Variants in SMARCA1 observed in about 807,000 individuals in gnomAD.
SMARCA1 encodes the protein SNF2 related chromatin remodeling ATPase 1.
A neutral mutation model predicts 93.6 loss-of-function variants in SMARCA1; 17 were observed. The ratio of observed to expected loss-of-function variants is 0.18; its 90% CI spans 0.12 to 0.27. The LOEUF is 0.27. Ranked by LOEUF, SMARCA1 falls within the 10% of genes least tolerant of loss-of-function variation. The probability of loss-of-function intolerance (pLI) is 1.00; values close to 1 mark genes in which losing one functional copy is unlikely to be tolerated. For synonymous variants in SMARCA1, 271 were observed against 271.4 expected (o/e 1.00, Z 0.01); for missense variants, 630 against 819.0 (o/e 0.77, Z 2.82).
At chrX:129,484,880 G>GATCTCCCCACAAGGT (rs1441094339) in intron 17 of SMARCA1, among the ~76,000 whole-genome samples, 1 of 112,349 alleles carries the variant, frequency 8.9e-6, no homozygotes, top group Non-Finnish European at 1.9e-5. Flanking sequence ...GTCTGAGAAA[G>GATCTCCCCACAAGGT]ATCTCCCCAC....
chrX:129,455,958 C>A (rs1231977140), intron 23 of SMARCA1, among the ~76,000 whole-genome samples: 1 of 111,913 alleles, frequency 8.9e-6, no homozygotes, highest in Non-Finnish European at 1.9e-5. Flanking sequence ...ATGAGGGTGG[C>A]CACACTAACC....
At chrX:129,502,224 G>A (rs1223811659) in intron 9 of SMARCA1, among the ~76,000 whole-genome samples, 1 of 111,486 alleles carries the variant, frequency 9.0e-6, no homozygotes, top group Non-Finnish European at 1.9e-5. Flanking sequence ...CAATTTAGGA[G>A]GCGTCAGTAT....
chrX:129,478,680 G>A (rs772638839), intron 19 of SMARCA1, among the ~76,000 whole-genome samples: 32 of 112,101 alleles, frequency 2.9e-4, no homozygotes, highest in African/African-American at 9.7e-4. Context: ...CCAGACCGGT[G>A]GCCAGAATGT....
At position 129,515,999 on chromosome X, in the gene SMARCA1, A is replaced by G; in HGVS notation, c.429-5T>C. ...TCTGTGCGCCTATGGCGGTAGCTGA[A>G]ATTAAAAAAGGAAATCCCTTCATAT... is the stretch of plus-strand genomic sequence containing the variant. On this transcript the variant is annotated splice_polypyrimidine_tract_variant and splice_region_variant and intron_variant, in intron 3 of 24. Coordinates refer to ENST00000371121, the MANE Select transcript of SMARCA1 (RefSeq NM_001282874.2). 8.5e-7 allele frequency: 1 copy of G among 1,175,083 alleles called. No individual in the cohort carries two copies. The highest frequency in any genetic ancestry group is 1.2e-6 in the Non-Finnish European group (1 of 864,238).
chrX:129,496,726 CTTATT>C lies in SMARCA1; in HGVS notation c.1626+19_1626+23del. ...TTAATTGAACTCTGATTTCTGAAAT[CTTATT>C]TTATTTTCTCTTCCTCACCTCTCTT... On this transcript the variant is annotated intron_variant, in intron 12 of 24. Transcript: ENST00000371121. 9 of 1,191,867 alleles carry C rather than the reference CTTATT, an allele frequency of 7.6e-6. No homozygotes were observed. The highest frequency in any genetic ancestry group is 9.0e-6 in the Non-Finnish European group (8 of 885,050).
At chrX:129,459,974 AC>A (rs1932778109) in intron 23 of SMARCA1, among the ~76,000 whole-genome samples, 1 of 110,438 alleles carries the variant, frequency 9.1e-6, no homozygotes, top group African/African-American at 3.3e-5. Context: ...ACACAGTGAG[AC>A]CCCGTCTTCA....
rs189123330 is a variant in SMARCA1 at position 129,491,564 on chromosome X, C to G, written c.1815+377G>C. ...AATCCTACCTCTCTTAATTTCAGTA[C>G]TAAGGATTTTAATATATTTAGTTGT... On this transcript the variant is annotated intron_variant, in intron 14 of 24. Coordinates refer to ENST00000371121, the MANE Select transcript of SMARCA1 (RefSeq NM_001282874.2). Among the ~76,000 whole-genome samples, 13 of 111,527 alleles carry G rather than the reference C, an allele frequency of 1.2e-4. No individual in the cohort carries two copies. The Admixed American group carries it at 1.2e-3, about 11-fold the overall frequency.
At position 129,458,128 on chromosome X, in the gene SMARCA1, C is replaced by T. The variant is rs180925879; in HGVS notation, c.3030+7392G>A. ...ACTATTTAGCTCTGCCATTGTAGCA[C>T]GAAAACAGCCAAAGACAATACATAA... On this transcript the variant is annotated intron_variant, in intron 23 of 24. Transcript: ENST00000371121. Among the ~76,000 whole-genome samples, 5 of 112,096 alleles carry T rather than the reference C, an allele frequency of 4.5e-5. No homozygotes were observed. The East Asian group carries it at 1.1e-3, about 25-fold the overall frequency.
chrX:129,451,413 T>A (rs1932285349), intron 23 of SMARCA1, among the ~76,000 whole-genome samples: 1 of 111,333 alleles, frequency 9.0e-6, no homozygotes, highest in Non-Finnish European at 1.9e-5. Context: ...TAGTTGCTTG[T>A]GACTGGAGAT....
intron 5 of SMARCA1, 79 bp downstream of exon 5, chrX:129,515,608 G>A (rs929553846): frequency 3.1e-6 from 2 of 637,622 alleles, no homozygotes; most frequent in East Asian, 3.2e-5. Flanking sequence ...CATCAGGGGG[G>A]CAGGTAAGCT....
At chrX:129,458,852 T>C (rs913886986) in intron 23 of SMARCA1, among the ~76,000 whole-genome samples, 3 of 112,179 alleles carry the variant, frequency 2.7e-5, no homozygotes, top group Non-Finnish European at 5.6e-5. Context: ...AATTTTCTTC[T>C]ACAGCTCTTA....
intron 9 of SMARCA1, among the ~76,000 whole-genome samples, chrX:129,503,964 CA>C (rs77290378): frequency 0.16 from 9,431 of 60,095 alleles, 559 homozygotes; most frequent in East Asian, 0.37. Context: ...GACTCTCTCT[CA>C]AAAAAAAAAA....
At chrX:129,510,077 G>A (rs1934969585) in intron 6 of SMARCA1, among the ~76,000 whole-genome samples, 1 of 112,012 alleles carries the variant, frequency 8.9e-6, no homozygotes, top group Non-Finnish European at 1.9e-5. Flanking sequence ...TCTAAGTGCT[G>A]AACATGGTAC....
chrX:129,485,700 C>T (rs1293972437), intron 17 of SMARCA1, among the ~76,000 whole-genome samples: 1 of 111,677 alleles, frequency 9.0e-6, no homozygotes, highest in Non-Finnish European at 1.9e-5. Flanking sequence ...GGGCAGATCT[C>T]TCATGAAGGG....
At chrX:129,463,799 G>A (rs1203932345) in intron 23 of SMARCA1, among the ~76,000 whole-genome samples, 13 of 110,099 alleles carry the variant, frequency 1.2e-4, no homozygotes, top group Non-Finnish European at 2.3e-4. Context: ...TTAGCCGGGC[G>A]TGGTGCAGGT....
chrX:129,446,875 T>C lies in SMARCA1; in HGVS notation c.*287A>G, dbSNP rs770987037. The C allele has an allele frequency of 9.6e-6, 2 of 207,414 alleles. No individual in the cohort carries two copies. Among genetic ancestry groups the C allele is most frequent in the African/African-American group, 5.9e-5 (2 of 33,621 alleles). The allele number at this position is 207,414 out of a possible 1,213,427, so 17.1% of individuals were successfully genotyped here. On this transcript the variant is annotated 3_prime_UTR_variant, in exon 25 of 25. Transcript: ENST00000371121. ...TTTCAAAGCAGCGGCATATAAAACA[T>C]AGAAAAGCTAAAACCTCAGCACAAG...
intron 23 of SMARCA1, among the ~76,000 whole-genome samples, chrX:129,449,828 C>G (rs1328092671): frequency 6.4e-5 from 7 of 108,893 alleles, no homozygotes; most frequent in South Asian, 3.8e-4. Context: ...AGAAAACTCA[C>G]CAAAAAAAAA....
At chrX:129,489,850 C>A (rs1235385968) in intron 15 of SMARCA1, among the ~76,000 whole-genome samples, 2 of 112,312 alleles carry the variant, frequency 1.8e-5, no homozygotes, top group Admixed American at 1.9e-4. Flanking sequence ...TGACCTACCT[C>A]ACCCAGCCTC....
intron 13 of SMARCA1, among the ~76,000 whole-genome samples, chrX:129,492,446 G>A (rs1401974441): frequency 9.0e-6 from 1 of 111,496 alleles, no homozygotes; most frequent in African/African-American, 3.3e-5. Flanking sequence ...TAATGAAAAC[G>A]TTTTGAGTGA....
Sources: allele counts gnomAD v4.1 joint callset (sites outside exome capture counted in the v4.1 genomes callset), GRCh38; gene constraint gnomAD v4.1.1; transcripts MANE v1.5; gene names NCBI Gene and HGNC (gene_info 2026-07-23, HGNC 2026-07-21).